Variants in RBPJ observed in about 807,000 individuals in gnomAD.
RBPJ encodes the protein recombination signal binding protein for immunoglobulin kappa J region, also known as recombining binding protein suppressor of hairless.
A neutral mutation model predicts 67.8 loss-of-function variants in RBPJ; 9 were observed. The observed-to-expected ratio is 0.13, with a 90% CI of 0.08 to 0.23. RBPJ has a LOEUF of 0.23. RBPJ is among the 10% of genes least tolerant of loss of function. The pLI, the probability that RBPJ is intolerant of heterozygous loss-of-function variation, is 1.00. For synonymous variants in RBPJ, 198 were observed against 203.3 expected, an observed-to-expected ratio of 0.97 and a Z score of 0.22; for missense variants, 305 against 595.6, an observed-to-expected ratio of 0.51 and a Z score of 5.08.
At chr4:26,327,542 GTT>G (rs11350013) in intron 1 of RBPJ, among the ~76,000 whole-genome samples, 2,113 of 104,886 alleles carry the variant, frequency 0.02, 21 homozygotes, top group African/African-American at 0.073. Context: ...GACCCTGGAG[GTT>G]TTTTTTTTTT....
chr4:26,244,181 A>C (rs7679794), intron 1 of RBPJ, among the ~76,000 whole-genome samples: 1 of 121,448 alleles, frequency 8.2e-6, no homozygotes, highest in African/African-American at 2.9e-5. Flanking sequence ...ATACACATAT[A>C]TGTATACATA....
chr4:26,247,418 T>G (rs547253115), intron 1 of RBPJ, among the ~76,000 whole-genome samples: 23 of 152,094 alleles, frequency 1.5e-4, no homozygotes, highest in Admixed American at 3.9e-4. Flanking sequence ...CTTTTTTTTT[T>G]GGGTGGAGGG....
upstream of RBPJ, among the ~76,000 whole-genome samples, chr4:26,161,938 G>C (rs1716091492): frequency 6.6e-6 from 1 of 152,210 alleles, no homozygotes; most frequent in South Asian, 2.1e-4. Context: ...CTCTGGTAAG[G>C]AGAATAGAAT....
intron 1 of RBPJ, among the ~76,000 whole-genome samples, chr4:26,280,202 C>T (rs186669808): frequency 5.3e-5 from 8 of 151,788 alleles, no homozygotes; most frequent in Admixed American, 4.6e-4. Context: ...GCAGACCAGC[C>T]TGGCTAACAC....
At chr4:26,362,491 C>A in intron 1 of RBPJ, 2 of 1,505,712 alleles carry the variant, frequency 1.3e-6, no homozygotes, top group Non-Finnish European at 8.8e-7. Flanking sequence ...CATTATAGTT[C>A]TTCGGAACCA....
At chr4:26,288,245 T>C (rs1404248082) in intron 1 of RBPJ, among the ~76,000 whole-genome samples, 1 of 152,208 alleles carries the variant, frequency 6.6e-6, no homozygotes, top group African/African-American at 2.4e-5. Flanking sequence ...AGGTTCTAGC[T>C]TGGGATCTAT....
intron 1 of RBPJ, among the ~76,000 whole-genome samples, chr4:26,353,910 C>A (rs1019119281): frequency 1.3e-5 from 2 of 151,528 alleles, no homozygotes; most frequent in African/African-American, 4.9e-5. Context: ...CTGTGCCCTG[C>A]CACAGTATTC....
intron 1 of RBPJ, among the ~76,000 whole-genome samples, chr4:26,186,651 G>C (rs186648871): frequency 1.8e-3 from 277 of 152,270 alleles, no homozygotes; most frequent in Non-Finnish European, 3.0e-3. Context: ...TCACAGACCT[G>C]CTGAGGTCCA....
chr4:26,241,463 G>A (rs1719634651), intron 1 of RBPJ, among the ~76,000 whole-genome samples: 1 of 152,078 alleles, frequency 6.6e-6, no homozygotes, highest in Non-Finnish European at 1.5e-5. Context: ...ACCATTCAGA[G>A]CCAGAACTTC....
At chr4:26,211,690 C>A (rs148322118) in intron 1 of RBPJ, among the ~76,000 whole-genome samples, 1 of 152,116 alleles carries the variant, frequency 6.6e-6, no homozygotes, top group African/African-American at 2.4e-5. Context: ...ACCTTCCATT[C>A]GGGTAGACAG....
At chr4:26,346,412 T>C (rs969289456) in intron 1 of RBPJ, among the ~76,000 whole-genome samples, 2 of 152,144 alleles carry the variant, frequency 1.3e-5, no homozygotes, top group African/African-American at 4.8e-5. Context: ...CCTAATCTTA[T>C]TATGCAAGTA....
intron 1 of RBPJ, among the ~76,000 whole-genome samples, chr4:26,219,675 G>T (rs1001581150): frequency 1.3e-5 from 2 of 152,176 alleles, no homozygotes; most frequent in African/African-American, 2.4e-5. Context: ...AGGTAGGTGG[G>T]TGCTGATATC....
At chr4:26,184,206 A>T (rs1223713742) in intron 1 of RBPJ, among the ~76,000 whole-genome samples, 1 of 151,562 alleles carries the variant, frequency 6.6e-6, no homozygotes, top group East Asian at 1.9e-4. Context: ...AGAAAGAAAA[A>T]AAATGTATCC....
chr4:26,396,959 A>T (rs557992110), intron 2 of RBPJ, among the ~76,000 whole-genome samples: 1 of 152,196 alleles, frequency 6.6e-6, no homozygotes, highest in African/African-American at 2.4e-5. Context: ...GACTATTGAT[A>T]GTATCCCTAG....
rs118158732 is a variant in RBPJ, at chr4:26,408,089, G to A, written c.155+1819G>A. On this transcript the variant is annotated intron_variant, in intron 3 of 10. Coordinates refer to ENST00000355476, the MANE Select transcript of RBPJ (RefSeq NM_015874.6). ...GGGGTTTCACTATGCCGTCCAGGCT[G>A]ATCTCAAACTCCTGGGCTCAAGTGA... 7.2e-3 allele frequency among the ~76,000 whole-genome samples: 1,091 copies of A among 151,892 alleles called. 30 individuals are homozygous for A. The highest frequency in any genetic ancestry group is 0.052 in the Admixed American group (788 of 15,252).
chr4:26,318,996 CAAAAAAAA>C (rs201084739), upstream of RBPJ, among the ~76,000 whole-genome samples: 28,439 of 86,298 alleles, frequency 0.33, 4,854 homozygotes, highest in African/African-American at 0.53. Flanking sequence ...GACTCCGTCT[CAAAAAAAA>C]AAAAAAAAAA....
At chr4:26,182,549 A>G (rs1717047536) in intron 1 of RBPJ, among the ~76,000 whole-genome samples, 2 of 147,910 alleles carry the variant, frequency 1.4e-5, no homozygotes, top group South Asian at 4.3e-4. Flanking sequence ...GCTGGAGGGC[A>G]GTGGCCTGAT....
intron 1 of RBPJ, among the ~76,000 whole-genome samples, chr4:26,169,253 T>G (rs1326848462): frequency 6.6e-6 from 1 of 152,186 alleles, no homozygotes; most frequent in Non-Finnish European, 1.5e-5. Context: ...GTTTTTGGTG[T>G]GGATGTCCTT....
At chr4:26,178,265 G>A (rs998725378) in intron 1 of RBPJ, among the ~76,000 whole-genome samples, 3 of 152,166 alleles carry the variant, frequency 2.0e-5, no homozygotes, top group Non-Finnish European at 4.4e-5. Flanking sequence ...GAACTAGCTG[G>A]AGAACCACTG....
Sources: allele counts gnomAD v4.1 joint callset (sites outside exome capture counted in the v4.1 genomes callset), GRCh38; gene constraint gnomAD v4.1.1; transcripts MANE v1.5; gene names NCBI Gene and HGNC (gene_info 2026-07-23, HGNC 2026-07-21).